PCDH15: variants seen among roughly 807,000 people sequenced by gnomAD.
The protein encoded by PCDH15 is protocadherin related 15, also known as protocadherin-15.
PCDH15 carries 129 observed loss-of-function variants against 178.5 expected under a neutral mutation model. The observed-to-expected ratio is 0.72, with a 90% CI of 0.63 to 0.84. PCDH15 has a LOEUF of 0.84. PCDH15 is among the 40% of genes least tolerant of loss of function. PCDH15 has a pLI of 0.00. For missense variants in PCDH15, 2,230 were observed against 2,099.9 expected (o/e 1.06, Z -1.21); for synonymous variants, 800 against 732.0 (o/e 1.09, Z -1.50).
chr10:53,840,148 C>G (rs1333764991), intron 29 of PCDH15, among the ~76,000 whole-genome samples, 172 bp downstream of exon 29: 1 of 147,522 alleles, frequency 6.8e-6, no homozygotes, highest in Non-Finnish European at 1.5e-5. Context: ...ACACTTAGAC[C>G]TGAAAACTTT....
chr10:54,866,055 T>C (rs1953935024), intron 3 of PCDH15, among the ~76,000 whole-genome samples: 1 of 152,194 alleles, frequency 6.6e-6, no homozygotes, highest in Non-Finnish European at 1.5e-5. Flanking sequence ...GAAACTTTTC[T>C]TTAAAAAAGT....
chr10:55,146,193 T>C (rs1338767791), intron 2 of PCDH15, among the ~76,000 whole-genome samples: 1 of 152,040 alleles, frequency 6.6e-6, no homozygotes, highest in African/African-American at 2.4e-5. Context: ...TTAACAGCCC[T>C]ATAACTTAGA....
chr10:54,791,507 A>G (rs1040550436), intron 1 of PCDH15, among the ~76,000 whole-genome samples: 1 of 151,912 alleles, frequency 6.6e-6, no homozygotes, highest in Non-Finnish European at 1.5e-5. Context: ...TAAAATTTAT[A>G]TCCAGCCCAA....
chr10:54,280,791 AT>A (rs1444218803), intron 8 of PCDH15, among the ~76,000 whole-genome samples: 1 of 151,838 alleles, frequency 6.6e-6, no homozygotes, highest in African/African-American at 2.4e-5. Flanking sequence ...ACATTAAGTA[AT>A]TGTTCTATTT....
At chr10:55,070,975 C>T (rs1415811826) in intron 2 of PCDH15, among the ~76,000 whole-genome samples, 1 of 151,874 alleles carries the variant, frequency 6.6e-6, no homozygotes, top group Non-Finnish European at 1.5e-5. Context: ...TGTAGTTCTC[C>T]TTGAAGAGTA....
In PCDH15 at chr10:54,350,873, C is replaced by G. The variant is rs1368597197; in HGVS notation, c.475-4389G>C. Among the ~76,000 whole-genome samples, 3 of 152,014 alleles carry G rather than the reference C, an allele frequency of 2.0e-5. No homozygotes were observed. The South Asian group carries it at 6.2e-4, about 31-fold the overall frequency. Reference sequence around the variant, plus strand: ...AATCCCAACAATTTGGGAGGCTGAACTAGATGGATTACTTGAGGTCAGGAG... The same window carrying G: ...AATCCCAACAATTTGGGAGGCTGAAGTAGATGGATTACTTGAGGTCAGGAG... On this transcript the variant is annotated intron_variant, in intron 5 of 37. Transcript: ENST00000644397.
At chr10:55,568,940 G>C (rs1842355524) in intron 2 of PCDH15, among the ~76,000 whole-genome samples, 1 of 152,150 alleles carries the variant, frequency 6.6e-6, no homozygotes, top group African/African-American at 2.4e-5. Context: ...TGTGATGCTA[G>C]TTGAAATCTC....
intron 3 of PCDH15, among the ~76,000 whole-genome samples, chr10:54,470,255 C>A (rs956606844): frequency 9.9e-5 from 15 of 152,112 alleles, no homozygotes; most frequent in African/African-American, 3.4e-4. Flanking sequence ...AAGTTTCAGC[C>A]CTAGGTGACA....
chr10:55,510,367 T>C (rs1840852299), intron 2 of PCDH15, among the ~76,000 whole-genome samples: 1 of 151,992 alleles, frequency 6.6e-6, no homozygotes, highest in African/African-American at 2.4e-5. Context: ...TCAGGTAAAT[T>C]TATAAAGGGA....
At chr10:54,980,290 T>C (rs1036342511) in intron 2 of PCDH15, among the ~76,000 whole-genome samples, 5 of 152,182 alleles carry the variant, frequency 3.3e-5, no homozygotes, top group African/African-American at 1.2e-4. Flanking sequence ...GTATAACATT[T>C]ACACATATCT....
At chr10:54,567,653 G>A (rs1005668343) in intron 2 of PCDH15, among the ~76,000 whole-genome samples, 4 of 152,076 alleles carry the variant, frequency 2.6e-5, no homozygotes, top group African/African-American at 9.7e-5. Context: ...TATGCTCTAT[G>A]TTCAAGCATT....
At chr10:54,623,321 A>G (rs2093446293) in intron 2 of PCDH15, among the ~76,000 whole-genome samples, 2 of 152,118 alleles carry the variant, frequency 1.3e-5, no homozygotes, top group African/African-American at 4.8e-5. Flanking sequence ...ATGCAAATTA[A>G]CACAACCAAA....
intron 29 of PCDH15, among the ~76,000 whole-genome samples, chr10:53,836,514 C>T (rs558009814): frequency 5.2e-4 from 79 of 151,942 alleles, no homozygotes; most frequent in Non-Finnish European, 9.1e-4. Flanking sequence ...CCCTACAGCA[C>T]GCAGGCCTCT....
chr10:54,256,990 C>T (rs2056942095), intron 8 of PCDH15, among the ~76,000 whole-genome samples: 1 of 152,080 alleles, frequency 6.6e-6, no homozygotes, highest in African/African-American at 2.4e-5. Flanking sequence ...TTGTCCTGCA[C>T]TAAAAGTCTT....
chr10:54,687,821 G>C (rs1312620767), intron 1 of PCDH15, among the ~76,000 whole-genome samples: 8 of 151,844 alleles, frequency 5.3e-5, no homozygotes, highest in Admixed American at 5.3e-4. Flanking sequence ...CTTTGCTGGG[G>C]TCCCTATACC....
chr10:54,712,835 T>C (rs1333639153), intron 1 of PCDH15, among the ~76,000 whole-genome samples: 1 of 152,050 alleles, frequency 6.6e-6, no homozygotes, highest in Non-Finnish European at 1.5e-5. Flanking sequence ...ATGTCCTAAA[T>C]TTTAATTATC....
intron 2 of PCDH15, among the ~76,000 whole-genome samples, chr10:54,955,325 A>G (rs1181174283): frequency 6.6e-6 from 1 of 151,382 alleles, no homozygotes; most frequent in African/African-American, 2.4e-5. Context: ...TGTAAATTGT[A>G]CCAATGTTTT....
intron 14 of PCDH15, among the ~76,000 whole-genome samples, chr10:54,149,536 A>G (rs906707847): frequency 6.6e-6 from 1 of 152,142 alleles, no homozygotes; most frequent in Non-Finnish European, 1.5e-5. Context: ...ACTGGAATGG[A>G]CTAAGAAAAG....
chr10:54,981,021 A>G (rs1839220822), intron 2 of PCDH15, among the ~76,000 whole-genome samples: 2 of 151,510 alleles, frequency 1.3e-5, no homozygotes, highest in African/African-American at 4.9e-5. Context: ...ATGTGTTTCC[A>G]TCCATCAAAG....
Sources: allele counts gnomAD v4.1 joint callset (sites outside exome capture counted in the v4.1 genomes callset), GRCh38; gene constraint gnomAD v4.1.1; transcripts MANE v1.5; gene names NCBI Gene and HGNC (gene_info 2026-07-23, HGNC 2026-07-21).